Variants in SEPTIN6 observed in about 807,000 individuals in gnomAD.
SEPTIN6 encodes the protein septin 6.
SEPTIN6 carries 8 observed loss-of-function variants against 33.6 expected under a neutral mutation model. That is an observed-to-expected ratio of 0.24 (90% confidence interval 0.14 to 0.43). SEPTIN6 has a LOEUF of 0.43. Ranked by LOEUF, SEPTIN6 falls within the 20% of genes least tolerant of loss-of-function variation. The pLI, the probability that SEPTIN6 is intolerant of heterozygous loss-of-function variation, is 1.00. For missense variants in SEPTIN6, 250 were observed against 340.8 expected, an observed-to-expected ratio of 0.73 and a Z score of 2.10; for synonymous variants, 131 against 140.0, an observed-to-expected ratio of 0.94 and a Z score of 0.45.
At chrX:119,657,157 T>C (rs1367235727) in intron 3 of SEPTIN6, among the ~76,000 whole-genome samples, 1 of 104,794 alleles carries the variant, frequency 9.5e-6, no homozygotes, top group Non-Finnish European at 2.0e-5. Context: ...AGGCGGAGGT[T>C]GCAGTGAGCC....
At position 119,683,644 on chromosome X, in the gene SEPTIN6, G is replaced by A. The variant is rs1351829432; in HGVS notation, c.31-7976C>T. ...AAAATAATGTCAGTGATTTCTTTTG[G>A]GTAGAGAGGTTGTAGGTGATGTTGC... On this transcript the variant is annotated intron_variant, in intron 1 of 10. Coordinates refer to ENST00000394610, the MANE Select transcript of SEPTIN6 (RefSeq NM_145799.4). 2.7e-5 allele frequency among the ~76,000 whole-genome samples: 3 copies of A among 112,138 alleles called. No homozygotes were observed. The East Asian group carries it at 8.4e-4, about 31-fold the overall frequency.
At chrX:119,621,264 G>A (rs1407935454) in intron 10 of SEPTIN6, among the ~76,000 whole-genome samples, 1 of 109,932 alleles carries the variant, frequency 9.1e-6, no homozygotes, top group African/African-American at 3.3e-5. Context: ...TGTGAACTAT[G>A]GAAACCCATC....
chrX:119,665,333 A>C, intron 2 of SEPTIN6, among the ~76,000 whole-genome samples: 1 of 110,320 alleles, frequency 9.1e-6, no homozygotes, highest in African/African-American at 3.3e-5. Flanking sequence ...CAAACTCCTG[A>C]CCTCTGGTGA....
rs758873609 is a variant in SEPTIN6, at chrX:119,693,134, G to A, written c.-29C>T. On this transcript the variant is annotated 5_prime_UTR_variant, in exon 1 of 11. Coordinates refer to ENST00000394610, the MANE Select transcript of SEPTIN6 (RefSeq NM_145799.4). ...TCCTGCGTCCGCCAGGGCTGCCACG[G>A]GTGCCGCCGCAACGGGAGCTACTGC... 8.6e-7 allele frequency: 1 copy of A among 1,166,302 alleles called. No individual in the cohort carries two copies.
chrX:119,647,451 CTTTCTTT>C (rs1444565031), intron 5 of SEPTIN6, among the ~76,000 whole-genome samples: 1 of 91,657 alleles, frequency 1.1e-5, no homozygotes, highest in Non-Finnish European at 2.1e-5. Flanking sequence ...TCTTTATTTA[CTTTCTTT>C]TTCTTTCCTT....
intron 1 of SEPTIN6, among the ~76,000 whole-genome samples, chrX:119,688,430 C>T (rs779172550): frequency 4.5e-5 from 5 of 111,432 alleles, no homozygotes; most frequent in Admixed American, 3.8e-4. Flanking sequence ...AATCCCAGGC[C>T]GGGCGCTGTG....
At chrX:119,680,980 C>CA (rs60147271) in intron 1 of SEPTIN6, among the ~76,000 whole-genome samples, 25,646 of 77,719 alleles carry the variant, frequency 0.33, 4,729 homozygotes, top group African/African-American at 0.63. Context: ...GACTCTGTCT[C>CA]AAAAAAAAAA....
intron 2 of SEPTIN6, among the ~76,000 whole-genome samples, chrX:119,664,432 C>T (rs2054600099): frequency 1.8e-5 from 2 of 111,755 alleles, no homozygotes; most frequent in Admixed American, 1.9e-4. Flanking sequence ...GTGTGGTTTT[C>T]ATCCCTTTCT....
intron 1 of SEPTIN6, among the ~76,000 whole-genome samples, chrX:119,686,073 C>T (rs2055049859): frequency 8.9e-6 from 1 of 111,828 alleles, no homozygotes; most frequent in South Asian, 3.7e-4. Flanking sequence ...TCCCTGGAAG[C>T]CAGACAATTG....
intron 7 of SEPTIN6, chrX:119,635,084 G>A (rs779837369): frequency 9.5e-5 from 33 of 347,854 alleles, no homozygotes; most frequent in Middle Eastern, 4.3e-4. Context: ...GGGAGGGAAT[G>A]GAGGGAGCAG....
chrX:119,657,831 A>G (rs1461853988), intron 3 of SEPTIN6, among the ~76,000 whole-genome samples: 2 of 112,208 alleles, frequency 1.8e-5, no homozygotes, highest in African/African-American at 3.2e-5. Context: ...TTTATGCAAG[A>G]ACACCTATTC....
Position 119,636,124 on chromosome X carries a change from G to C in SEPTIN6, c.956+903C>G, listed in dbSNP as rs754427906. On this transcript the variant is annotated intron_variant, in intron 7 of 10. Coordinates refer to ENST00000394610, the MANE Select transcript of SEPTIN6 (RefSeq NM_145799.4). ...CTGTCAGTATATAGGGCATGAGCCT[G>C]TCCCTCCTGAAGCAAATATCCCCAA... Among the ~76,000 whole-genome samples, 4 of 111,597 alleles carry C rather than the reference G, an allele frequency of 3.6e-5. No homozygotes were observed. In the South Asian group the frequency reaches 1.5e-3, roughly 43 times the overall value.
Position 119,650,052 on chromosome X carries a change from C to G in SEPTIN6, c.575G>C (p.Ser192Thr). Residue 192 changes from serine to threonine, a missense_variant, in exon 5 of 11, where the codon AGT (serine) becomes ACT (threonine). Coordinates refer to ENST00000394610, the MANE Select transcript of SEPTIN6 (RefSeq NM_145799.4). ...IIAKADAISK[S>T]ELTKFKIKIT... ...TTTGATTTTGAACTTTGTTAGCTCACTCTTCGAAATGGCATCTGCTTTGGC... is the reference window on the plus strand; with the variant it reads ...TTTGATTTTGAACTTTGTTAGCTCAGTCTTCGAAATGGCATCTGCTTTGGC... 8.3e-7 allele frequency: 1 copy of G among 1,211,475 alleles called. No individual in the cohort carries two copies. The highest frequency in any genetic ancestry group is 1.1e-6 in the Non-Finnish European group (1 of 895,365).
Position 119,652,895 on chromosome X carries a change from T to C in SEPTIN6, c.487A>G (p.Lys163Glu). ...TTCATAGTCACTAGGTCCAGAGACT[T>C]CAGGGAATGACCCGTGGGGGCAATG... ...YFIAPTGHSL[K>E]SLDLVTMKKL... The change falls in exon 4 of 11, where the codon AAG becomes GAG. Residue 163 changes from lysine to glutamate, a missense_variant. Lys to Glu is a moderately conservative substitution (Grantham distance 56). This residue lies in a region of SEPTIN6 where 139 missense variants were observed against 227.0 expected (regional missense o/e 0.61). Coordinates refer to ENST00000394610, the MANE Select transcript of SEPTIN6 (RefSeq NM_145799.4). 1 of 1,210,712 alleles carries C rather than the reference T, an allele frequency of 8.3e-7. No homozygotes were observed. Among genetic ancestry groups the C allele is most frequent in the Non-Finnish European group, 1.1e-6 (1 of 895,170 alleles).
intron 9 of SEPTIN6, chrX:119,629,054 G>A: frequency 3.1e-6 from 1 of 323,981 alleles, no homozygotes; most frequent in Non-Finnish European, 5.4e-6. Flanking sequence ...TGGACCTTGA[G>A]TTTGCAGGGC....
At chrX:119,654,143 C>T (rs754579140) in intron 3 of SEPTIN6, among the ~76,000 whole-genome samples, 1 of 111,385 alleles carries the variant, frequency 9.0e-6, no homozygotes, top group African/African-American at 3.3e-5. Flanking sequence ...ACACCCTGCA[C>T]ACATGGACAC....
chrX:119,640,991 C>T (rs772645244), intron 5 of SEPTIN6, among the ~76,000 whole-genome samples: 1 of 112,371 alleles, frequency 8.9e-6, no homozygotes, highest in South Asian at 3.7e-4. Context: ...TTCAGAAATT[C>T]ACAATAGAGG....
intron 7 of SEPTIN6, among the ~76,000 whole-genome samples, chrX:119,633,922 A>G (rs1487271721): frequency 8.9e-6 from 1 of 111,875 alleles, no homozygotes; most frequent in African/African-American, 3.3e-5. Context: ...CTATTTCAAC[A>G]AATGCTTGAG....
At chrX:119,635,319 T>C (rs939441003) in intron 7 of SEPTIN6, among the ~76,000 whole-genome samples, 9 of 110,640 alleles carry the variant, frequency 8.1e-5, no homozygotes. Flanking sequence ...GGTTTAGACC[T>C]CAGAAGTAAG....
Sources: allele counts gnomAD v4.1 joint callset (sites outside exome capture counted in the v4.1 genomes callset), GRCh38; gene constraint gnomAD v4.1.1; regional missense constraint gnomAD v4.1.1; transcripts MANE v1.5; gene names NCBI Gene and HGNC (gene_info 2026-07-23, HGNC 2026-07-21).